Variants in DNAH9 observed in about 807,000 individuals in gnomAD.
The protein encoded by DNAH9 is dynein axonemal heavy chain 9.
Under a neutral mutation model 471.6 loss-of-function variants are expected in DNAH9, and 345 were observed. The observed-to-expected ratio is 0.73, with a 90% CI of 0.67 to 0.80. The LOEUF (loss-of-function observed/expected upper bound fraction) is 0.80, where lower values mean the gene tolerates loss of function less well. Ranked by LOEUF, DNAH9 falls within the 30% of genes least tolerant of loss-of-function variation. The pLI is 0.00. For missense variants in DNAH9, 5,407 were observed against 5,609.2 expected (o/e 0.96, Z 1.15); for synonymous variants, 2,093 against 2,123.6 (o/e 0.99, Z 0.40).
At chr17:11,666,471 T>G (rs556691320) in intron 15 of DNAH9, among the ~76,000 whole-genome samples, 1 of 152,286 alleles carries the variant, frequency 6.6e-6, no homozygotes, top group African/African-American at 2.4e-5. Context: ...TTTCCTTCGC[T>G]TTGTGGAAAT....
intron 62 of DNAH9, among the ~76,000 whole-genome samples, chr17:11,926,045 A>G (rs1174792516): frequency 1.4e-5 from 2 of 143,646 alleles, no homozygotes; most frequent in African/African-American, 2.8e-5. Flanking sequence ...GAAAAAAAAA[A>G]AAAAAAAAAA....
chr17:11,834,820 G>A lies in DNAH9; in HGVS notation c.9429G>A (p.Gln3143=), dbSNP rs763884249. The A allele has an allele frequency of 1.2e-6, 2 of 1,614,106 alleles. No individual in the cohort carries two copies. The highest frequency in any genetic ancestry group is 3.3e-5 in the Admixed American group (2 of 60,006). ...TCATGCTAGAGGTGAAACAGAAGCA[G>A]AAGGACTGTGAGGAGGACCTGGCAA... ...AVIMLEVKQK[Q]KDCEEDLAKA... is the part of the protein sequence containing the mutation. Residue 3143 remains glutamine (Q), a synonymous_variant, in exon 49 of 69, where the codon CAG becomes CAA. Coordinates refer to ENST00000262442, the MANE Select transcript of DNAH9 (RefSeq NM_001372.4).
chr17:11,700,777 A>G (rs988290726), intron 23 of DNAH9, among the ~76,000 whole-genome samples: 14 of 152,178 alleles, frequency 9.2e-5, no homozygotes, highest in African/African-American at 2.9e-4. Flanking sequence ...CTCAGAGTGG[A>G]CAAGGTCATG....
At chr17:11,822,649 C>A (rs777822902) in intron 47 of DNAH9, 50 bp downstream of exon 47, 3 of 1,606,120 alleles carry the variant, frequency 1.9e-6, no homozygotes, top group Admixed American at 1.7e-5. Context: ...GATGAGGGTA[C>A]AATGAATTCC....
chr17:11,901,365 GGAA>G (rs1378366817), intron 59 of DNAH9, among the ~76,000 whole-genome samples: 25 of 152,176 alleles, frequency 1.6e-4, no homozygotes, highest in Admixed American at 3.9e-4. Context: ...GGGCCACACT[GGAA>G]GAAGAAGAAT....
intron 67 of DNAH9, chr17:11,954,074 A>C (rs1975519630): frequency 6.6e-6 from 1 of 152,010 alleles, no homozygotes; most frequent in African/African-American, 2.4e-5. Context: ...AAAAAACCAA[A>C]AAAAGTAAAC....
At position 11,784,912 on chromosome 17, in the gene DNAH9, A is replaced by G. The variant is rs1968808723; in HGVS notation, c.8061+373A>G. ...TTTTGGATCTCCCATTGGTACACCT[A>G]TTGATCTCGGGATGAAAAAGAGTGT... On this transcript the variant is annotated intron_variant, in intron 41 of 68. Coordinates refer to ENST00000262442, the MANE Select transcript of DNAH9 (RefSeq NM_001372.4). 3.3e-5 allele frequency among the ~76,000 whole-genome samples: 5 copies of G among 152,232 alleles called. No individual in the cohort carries two copies. The South Asian group carries it at 8.3e-4, about 25-fold the overall frequency.
intron 55 of DNAH9, chr17:11,882,793 AG>A (rs1003764899): frequency 3.2e-6 from 1 of 309,498 alleles, no homozygotes; most frequent in African/African-American, 2.3e-5. Context: ...AGATTCGGTG[AG>A]GAGTTGGCAT....
Position 11,937,712 on chromosome 17 carries a change from C to T in DNAH9, c.12660+190C>T, listed in dbSNP as rs1011713098. 6.6e-6 allele frequency among the ~76,000 whole-genome samples: 1 copy of T among 152,200 alleles called. No individual in the cohort carries two copies. The highest frequency in any genetic ancestry group is 2.4e-5 in the African/African-American group (1 of 41,472). Reference sequence around the variant, plus strand: ...TCCCCTCCCGTCATCACCATGCTGGCCATCAGTTAAATCATAGGAAGTCCC... The same window carrying T: ...TCCCCTCCCGTCATCACCATGCTGGTCATCAGTTAAATCATAGGAAGTCCC... On this transcript the variant is annotated intron_variant, in intron 66 of 68. Coordinates refer to ENST00000262442, the MANE Select transcript of DNAH9 (RefSeq NM_001372.4). The surrounding 1 kb of genome is among the most constrained non-coding windows in gnomAD (Gnocchi z 4.1).
At chr17:11,852,814 G>GTGTGTGTGTATA (rs1169950713) in intron 49 of DNAH9, among the ~76,000 whole-genome samples, 3 of 92,682 alleles carry the variant, frequency 3.2e-5, no homozygotes, top group Admixed American at 1.2e-4. Context: ...GTGTGTGTGT[G>GTGTGTGTGTATA]TATATATATA....
In DNAH9 at chr17:11,769,337, G is replaced by T. The variant is rs1472418370; in HGVS notation, c.7552+8G>T. On this transcript the variant is annotated splice_region_variant and intron_variant, in intron 38 of 68. Transcript: ENST00000262442. ...CGTCAGCAATGCTGCAGGGTAAGCA[G>T]CCCAGGGCACCTGGGGTGGGGGGCA... 7 of 1,603,936 alleles carry T rather than the reference G, an allele frequency of 4.4e-6. No individual in the cohort carries two copies. The highest frequency in any genetic ancestry group is 2.7e-5 in the African/African-American group (2 of 74,846).
intron 50 of DNAH9, among the ~76,000 whole-genome samples, chr17:11,868,572 G>A (rs1410353528): frequency 3.3e-5 from 5 of 151,998 alleles, no homozygotes; most frequent in Non-Finnish European, 7.4e-5. Context: ...TAGGACCTTA[G>A]AGCCAGTGGA....
chr17:11,643,580 A>G (rs2073319801), intron 10 of DNAH9, among the ~76,000 whole-genome samples: 1 of 152,226 alleles, frequency 6.6e-6, no homozygotes, highest in African/African-American at 2.4e-5. Flanking sequence ...TGAACATCAT[A>G]GAGTGTATTT....
At chr17:11,665,322 C>T (rs984715550) in intron 15 of DNAH9, among the ~76,000 whole-genome samples, 4 of 152,322 alleles carry the variant, frequency 2.6e-5, no homozygotes, top group Admixed American at 1.3e-4. Context: ...CCAAGCTTGA[C>T]TTATGGCAAT....
intron 68 of DNAH9, among the ~76,000 whole-genome samples, chr17:11,967,034 CAA>C (rs375839377): frequency 7.7e-5 from 5 of 65,120 alleles, no homozygotes; most frequent in African/African-American, 1.7e-4. Context: ...GACTCCATCT[CAA>C]AAAAAAAAAA....
At position 11,830,235 on chromosome 17, in the gene DNAH9, A is replaced by G. The variant is rs182017414; in HGVS notation, c.9247-4403A>G. On this transcript the variant is annotated intron_variant, in intron 48 of 68. Transcript: ENST00000262442. ...GGCATTGCCTGGTCCCCCTTTCCTGAGTTAGGTTTCACTTGTCCCTCGTTG... is the reference window on the plus strand; with the variant it reads ...GGCATTGCCTGGTCCCCCTTTCCTGGGTTAGGTTTCACTTGTCCCTCGTTG... Among the ~76,000 whole-genome samples, 36 of 152,186 alleles carry G rather than the reference A, an allele frequency of 2.4e-4. No homozygotes were observed. The East Asian group carries it at 5.8e-3, about 25-fold the overall frequency.
chr17:11,677,182 A>G lies in DNAH9; in HGVS notation c.3354-2575A>G, dbSNP rs559163400. 1.6e-4 allele frequency among the ~76,000 whole-genome samples: 25 copies of G among 152,242 alleles called. No individual in the cohort carries two copies. In the South Asian group the frequency reaches 5.0e-3, roughly 30 times the overall value. On this transcript the variant is annotated intron_variant, in intron 17 of 68. Coordinates refer to ENST00000262442, the MANE Select transcript of DNAH9 (RefSeq NM_001372.4). ...TAATTATTCTATTCAAATCTACTGT[A>G]TCTTCACTGCCTTTTTTTAATCTAC...
intron 28 of DNAH9, among the ~76,000 whole-genome samples, chr17:11,731,962 A>G (rs1390827611): frequency 6.6e-6 from 1 of 152,160 alleles, no homozygotes; most frequent in African/African-American, 2.4e-5. Flanking sequence ...TAGATCCCTA[A>G]GGAATCTCCA....
intron 35 of DNAH9, among the ~76,000 whole-genome samples, chr17:11,762,761 TTTTTTTTTG>T: frequency 9.8e-6 from 1 of 102,494 alleles, no homozygotes; most frequent in East Asian, 2.5e-4. Flanking sequence ...TAGGTGCGTT[TTTTTTTTTG>T]TTTTTTTTTT....
Sources: gnomAD v4.1 joint callset for allele counts (sites outside exome capture counted in the v4.1 genomes callset) on GRCh38, gnomAD v4.1.1 for gene constraint, Gnocchi (gnomAD v3.1) non-coding constraint, MANE v1.5 for transcripts, NCBI Gene and HGNC (gene_info 2026-07-23, HGNC 2026-07-21) for gene names.